The following L3MBTL3 variants were observed in gnomAD, a reference collection of about 807,000 sequenced individuals.
L3MBTL3 encodes the protein L3MBTL histone methyl-lysine binding protein 3.
L3MBTL3 carries 27 observed loss-of-function variants against 102.3 expected under a neutral mutation model. The observed-to-expected ratio is 0.26, with a 90% confidence interval of 0.19 to 0.36. The LOEUF is 0.36. Among genes scored for constraint, L3MBTL3 ranks in the 10% least tolerant of loss-of-function variants. The pLI is 1.00. For missense variants in L3MBTL3, 798 were observed against 955.3 expected (o/e 0.84, Z 2.17); for synonymous variants, 340 against 320.9 (o/e 1.06, Z -0.64).
At chr6:130,020,837 C>T (rs1778959147) in intron 1 of L3MBTL3, among the ~76,000 whole-genome samples, 2 of 151,794 alleles carry the variant, frequency 1.3e-5, no homozygotes, top group African/African-American at 2.4e-5. Flanking sequence ...CCGCCCCCAC[C>T]CCCAACGCCT....
chr6:130,072,746 AGAG>A (rs1782716957), intron 13 of L3MBTL3, among the ~76,000 whole-genome samples: 1 of 152,158 alleles, frequency 6.6e-6, no homozygotes, highest in Non-Finnish European at 1.5e-5. Context: ...TATCTTCTAA[AGAG>A]AGGAATTATT....
chr6:130,136,523 A>G (rs1030935790), intron 22 of L3MBTL3, among the ~76,000 whole-genome samples: 1 of 151,926 alleles, frequency 6.6e-6, no homozygotes, highest in African/African-American at 2.4e-5. Flanking sequence ...TCCTGCCCTG[A>G]CTTTCTTACT....
chr6:130,116,351 A>G (rs558490223), intron 19 of L3MBTL3, among the ~76,000 whole-genome samples: 1 of 152,336 alleles, frequency 6.6e-6, no homozygotes, highest in Non-Finnish European at 1.5e-5. Flanking sequence ...CAAATTAAGT[A>G]ATTTGCTGAT....
chr6:130,107,755 C>T (rs1394341511), intron 19 of L3MBTL3, among the ~76,000 whole-genome samples: 1 of 152,150 alleles, frequency 6.6e-6, no homozygotes, highest in Non-Finnish European at 1.5e-5. Flanking sequence ...GGTACATAAA[C>T]CAGTGAGAGA....
intron 16 of L3MBTL3, among the ~76,000 whole-genome samples, chr6:130,087,407 T>C (rs1464775473): frequency 6.6e-6 from 1 of 152,104 alleles, no homozygotes; most frequent in Non-Finnish European, 1.5e-5. Flanking sequence ...TAAAATAAAA[T>C]CTAGACAAGT....
intron 9 of L3MBTL3, 28 bp downstream of exon 9, chr6:130,057,525 G>A (rs1781585952): frequency 5.2e-6 from 8 of 1,543,916 alleles, no homozygotes; most frequent in Middle Eastern, 1.7e-4. Context: ...GACGTGATCT[G>A]TAAGGGCGCA....
chr6:130,044,756 T>C (rs958614262), intron 3 of L3MBTL3, among the ~76,000 whole-genome samples: 2 of 152,200 alleles, frequency 1.3e-5, no homozygotes, highest in Admixed American at 6.5e-5. Context: ...GGTGACCCAA[T>C]TGATTATATC....
chr6:130,065,860 GGAGA>G (rs1562280296), intron 10 of L3MBTL3, among the ~76,000 whole-genome samples: 1 of 152,150 alleles, frequency 6.6e-6, no homozygotes, highest in East Asian at 1.9e-4. Context: ...TAATAAACTA[GGAGA>G]GACGCTTTTC....
chr6:130,098,863 CTTTTTTTTTTTTTT>C (rs11332477), intron 18 of L3MBTL3, among the ~76,000 whole-genome samples: 1 of 118,524 alleles, frequency 8.4e-6, no homozygotes, highest in Non-Finnish European at 1.8e-5. Flanking sequence ...GTGTGTTTTT[CTTTTTTTTTTTTTT>C]TTTTTTTAAC....
At chr6:130,061,195 C>T (rs1476095874) in intron 10 of L3MBTL3, among the ~76,000 whole-genome samples, 4 of 151,376 alleles carry the variant, frequency 2.6e-5, no homozygotes, top group Admixed American at 6.6e-5. Context: ...AGTGATTCTC[C>T]TGCCTCAGCC....
chr6:130,133,422 A>C lies in L3MBTL3; in HGVS notation c.1967-30A>C. The stretch of plus-strand genomic sequence containing the variant: ...TGGGGCTTTCTTGCTGCTTTCAGAG[A>C]GTGATTTCCCATTTGTTTTCATTGA... On this transcript the variant is annotated intron_variant, in intron 20 of 22. Transcript: ENST00000361794. The surrounding 1 kb of genome is among the most constrained non-coding windows in gnomAD (Gnocchi z 4.9). The C allele has an allele frequency of 6.2e-7, 1 of 1,608,152 alleles. No individual in the cohort carries two copies. Among genetic ancestry groups the C allele is most frequent in the Non-Finnish European group, 8.5e-7 (1 of 1,176,270 alleles).
intron 15 of L3MBTL3, among the ~76,000 whole-genome samples, chr6:130,085,428 CCTCT>C (rs1206215673): frequency 6.6e-6 from 1 of 152,048 alleles, no homozygotes; most frequent in African/African-American, 2.4e-5. Context: ...TAATATTGTT[CCTCT>C]CTCTATTTAA....
chr6:130,020,481 C>G (rs1180349156), intron 1 of L3MBTL3: 2 of 152,136 alleles, frequency 1.3e-5, no homozygotes, highest in African/African-American at 4.8e-5. Context: ...TCCCCCAGTC[C>G]CGGTCAAAGC....
At chr6:130,056,111 A>G (rs996028699) in intron 8 of L3MBTL3, among the ~76,000 whole-genome samples, 1 of 152,048 alleles carries the variant, frequency 6.6e-6, no homozygotes, top group African/African-American at 2.4e-5. Flanking sequence ...TATTTTTAGT[A>G]GAGATGGGGT....
chr6:130,117,123 TC>T (rs1562326819), intron 19 of L3MBTL3, among the ~76,000 whole-genome samples: 1 of 70,252 alleles, frequency 1.4e-5, no homozygotes, highest in East Asian at 5.0e-4. Flanking sequence ...CCCTCCCCCC[TC>T]CCCCCACCCC....
At chr6:130,086,919 T>G (rs1211662228) in intron 16 of L3MBTL3, among the ~76,000 whole-genome samples, 1 of 152,254 alleles carries the variant, frequency 6.6e-6, no homozygotes, top group East Asian at 1.9e-4. Context: ...TAAGAATAGT[T>G]ATAACAGCAA....
chr6:130,080,735 A>G (rs75801376), intron 14 of L3MBTL3, among the ~76,000 whole-genome samples: 1 of 152,256 alleles, frequency 6.6e-6, no homozygotes, highest in Non-Finnish European at 1.5e-5. Context: ...ATACACAACA[A>G]TATGAATATA....
intron 16 of L3MBTL3, among the ~76,000 whole-genome samples, chr6:130,090,402 C>T (rs1297266064): frequency 6.6e-6 from 1 of 152,110 alleles, no homozygotes; most frequent in African/African-American, 2.4e-5. Flanking sequence ...CCAGGAATAT[C>T]TCAGTAGTTA....
At chr6:130,136,396 C>A (rs1476394087) in intron 22 of L3MBTL3, among the ~76,000 whole-genome samples, 1 of 152,134 alleles carries the variant, frequency 6.6e-6, no homozygotes, top group African/African-American at 2.4e-5. Context: ...TGCTGGCCTC[C>A]TTGCTCTTCC....
Sources: gnomAD v4.1 joint callset for allele counts (sites outside exome capture counted in the v4.1 genomes callset) on GRCh38, gnomAD v4.1.1 for gene constraint, Gnocchi (gnomAD v3.1) non-coding constraint, MANE v1.5 for transcripts, NCBI Gene and HGNC (gene_info 2026-07-23, HGNC 2026-07-21) for gene names.